The following FARP1 variants were observed in gnomAD, a reference collection of about 807,000 sequenced individuals.
FARP1 encodes FERM, ARH/RhoGEF and pleckstrin domain protein 1, also known as FERM, ARHGEF and pleckstrin domain-containing protein 1.
Under a neutral mutation model 128.8 loss-of-function variants are expected in FARP1, and 52 were observed. The observed-to-expected ratio is 0.40, with a 90% CI of 0.32 to 0.51. FARP1 has a LOEUF of 0.51. Among genes scored for constraint, FARP1 ranks in the 20% least tolerant of loss-of-function variants. FARP1 has a pLI of 0.45. For synonymous variants in FARP1, 580 were observed against 551.8 expected, an observed-to-expected ratio of 1.05 and a Z score of -0.72; for missense variants, 1,333 against 1,367.9, an observed-to-expected ratio of 0.97 and a Z score of 0.40.
chr13:98,255,635 G>A (rs1402161164), intron 2 of FARP1, among the ~76,000 whole-genome samples: 1 of 152,194 alleles, frequency 6.6e-6, no homozygotes, highest in East Asian at 1.9e-4. Flanking sequence ...AAAGATGTTA[G>A]TAATATGCAT....
intron 2 of FARP1, among the ~76,000 whole-genome samples, chr13:98,267,194 T>G (rs1214918627): frequency 1.3e-5 from 2 of 152,222 alleles, no homozygotes; most frequent in Non-Finnish European, 2.9e-5. Context: ...ACTCACACTC[T>G]GACTTAACCC....
chr13:98,159,423 T>G (rs1876715936), intron 1 of FARP1: 1 of 152,078 alleles, frequency 6.6e-6, no homozygotes, highest in Admixed American at 6.6e-5. Context: ...GACCCAATCT[T>G]TATTGAAAAT....
chr13:98,221,062 C>A (rs1190972755), intron 2 of FARP1, among the ~76,000 whole-genome samples: 1 of 152,180 alleles, frequency 6.6e-6, no homozygotes, highest in East Asian at 1.9e-4. Context: ...TCTGGGCCGC[C>A]TCGCTTCCTA....
chr13:98,449,083 GATA>G lies in FARP1; in HGVS notation c.*771_*773del, dbSNP rs1175006464. 2 of 152,216 alleles carry G rather than the reference GATA, an allele frequency of 1.3e-5. No homozygotes were observed. The highest frequency in any genetic ancestry group is 2.4e-5 in the African/African-American group (1 of 41,440). The allele number at this position is 152,216 out of a possible 1,614,324, so 9.4% of individuals were successfully genotyped here. A position where few individuals can be genotyped will look rare whatever the true frequency, so the allele number is the denominator to read the frequency against. On this transcript the variant is annotated 3_prime_UTR_variant, in exon 27 of 27. Transcript: ENST00000319562. ...CTGTGAGTGGTGTACACAATGGGAA[GATA>G]ATAAGCCGTGGTGTTTTGCTGTCTG...
Position 98,446,142 on chromosome 13 carries a change from C to T in FARP1, c.2841C>T (p.Asn947=), listed in dbSNP as rs775032054. Residue 947 remains asparagine, a synonymous_variant, in exon 25 of 27, where the codon AAC becomes AAT. Transcript: ENST00000319562. ...GNLLRKFKNS[N]GWQKLWVVFT... is the part of the protein sequence containing the mutation. ...TGCTGAGGAAATTCAAAAACAGCAA[C>T]GGGTGGCAGAAGCTGTGGGTGGTGT... 1.7e-5 allele frequency: 28 copies of T among 1,613,926 alleles called. No homozygotes were observed. Among genetic ancestry groups the T allele is most frequent in the East Asian group, 1.6e-4 (7 of 44,902 alleles).
At chr13:98,166,721 TTTC>T (rs1444935874) in intron 1 of FARP1, among the ~76,000 whole-genome samples, 4 of 136,574 alleles carry the variant, frequency 2.9e-5, no homozygotes, top group East Asian at 2.0e-4. Context: ...CCAGTTTTTC[TTTC>T]TTTTTTTTTT....
chr13:98,233,905 T>C (rs1594302520), intron 2 of FARP1: 1 of 152,242 alleles, frequency 6.6e-6, no homozygotes, highest in African/African-American at 2.4e-5. Context: ...TCGCTTCATG[T>C]ATTTCCTTTA....
rs933255768 is a variant in FARP1, at chr13:98,143,378, C to T, written c.-138C>T. On this transcript the variant is annotated 5_prime_UTR_variant, in exon 1 of 27. Coordinates refer to ENST00000319562, the MANE Select transcript of FARP1 (RefSeq NM_005766.4). The stretch of plus-strand genomic sequence containing the variant: ...GCTCGCGCGCCCGCGCCGCCGCCGC[C>T]CGCGGGTATTAATAGCCGGCGCCGC... The T allele has an allele frequency of 3.5e-4, 53 of 150,490 alleles. No individual in the cohort carries two copies. Among genetic ancestry groups the T allele is most frequent in the Middle Eastern group, 6.8e-3 (2 of 292 alleles). 9.3% of individuals were successfully genotyped at this position (150,490 alleles called of 1,614,324 possible).
chr13:98,338,159 C>A (rs1594419060), intron 2 of FARP1, among the ~76,000 whole-genome samples: 1 of 152,320 alleles, frequency 6.6e-6, no homozygotes, highest in East Asian at 1.9e-4. Context: ...ACCGTTTTTA[C>A]ATGTGTAGTT....
intron 1 of FARP1, among the ~76,000 whole-genome samples, chr13:98,145,488 T>C (rs1281363778): frequency 6.6e-6 from 1 of 152,236 alleles, no homozygotes; most frequent in East Asian, 1.9e-4. Context: ...TGGACAAGTT[T>C]CTTACTGGGT....
At chr13:98,242,575 A>G (rs1882837058) in intron 2 of FARP1, among the ~76,000 whole-genome samples, 1 of 152,108 alleles carries the variant, frequency 6.6e-6, no homozygotes, top group Admixed American at 6.6e-5. Context: ...GCTGCTTAGG[A>G]GGCTGAGATG....
chr13:98,388,244 G>A, intron 8 of FARP1, 139 bp from the exon 9 acceptor site: 1 of 645,332 alleles, frequency 1.5e-6, no homozygotes, highest in South Asian at 1.8e-5. Context: ...CACAGATCCT[G>A]TGAGTTCTCT....
chr13:98,163,375 A>G (rs547910436), intron 1 of FARP1, among the ~76,000 whole-genome samples: 1 of 152,316 alleles, frequency 6.6e-6, no homozygotes, highest in East Asian at 1.9e-4. Context: ...TACTAGGCTT[A>G]GTACCTTCTG....
chr13:98,285,707 A>G (rs1381378020), intron 2 of FARP1, among the ~76,000 whole-genome samples: 1 of 152,218 alleles, frequency 6.6e-6, no homozygotes, highest in Non-Finnish European at 1.5e-5. Flanking sequence ...CTTTATGGAG[A>G]TGATCTTGTT....
chr13:98,313,898 G>T (rs1854540), intron 2 of FARP1, among the ~76,000 whole-genome samples: 1 of 152,168 alleles, frequency 6.6e-6, no homozygotes, highest in Non-Finnish European at 1.5e-5. Context: ...ACTAGACTTC[G>T]AGAAAAACCC....
At chr13:98,321,712 T>G (rs1887000383) in intron 2 of FARP1, among the ~76,000 whole-genome samples, 1 of 152,238 alleles carries the variant, frequency 6.6e-6, no homozygotes, top group Non-Finnish European at 1.5e-5. Flanking sequence ...CTCATATGAC[T>G]TTTGTATTTT....
intron 5 of FARP1, among the ~76,000 whole-genome samples, chr13:98,368,925 A>G (rs1223465087): frequency 7.2e-6 from 1 of 139,706 alleles, no homozygotes; most frequent in African/African-American, 2.6e-5. Flanking sequence ...CATTTTATAT[A>G]TACCTTTTTT....
intron 2 of FARP1, among the ~76,000 whole-genome samples, chr13:98,247,857 A>G (rs1883144501): frequency 6.6e-6 from 1 of 152,226 alleles, no homozygotes; most frequent in African/African-American, 2.4e-5. Context: ...CCACCAAGCC[A>G]CGGATGTGGT....
At chr13:98,226,530 A>G (rs1435072216) in intron 2 of FARP1, among the ~76,000 whole-genome samples, 33 of 151,196 alleles carry the variant, frequency 2.2e-4, no homozygotes. Flanking sequence ...CTGTATAACA[A>G]CTCCCATTGT....
Sources: allele counts gnomAD v4.1 joint callset (sites outside exome capture counted in the v4.1 genomes callset), GRCh38; gene constraint gnomAD v4.1.1; transcripts MANE v1.5; gene names NCBI Gene and HGNC (gene_info 2026-07-23, HGNC 2026-07-21).